The following RAD54B variants were observed in gnomAD, a reference collection of about 807,000 sequenced individuals.
RAD54B encodes the protein DNA repair and recombination protein RAD54B.
In RAD54B, 78 loss-of-function variants were observed where a neutral mutation model predicts 95.8. The ratio of observed to expected loss-of-function variants is 0.81; its 90% CI spans 0.68 to 0.98. RAD54B has a LOEUF of 0.98. Among genes scored for constraint, RAD54B ranks in the 50% least tolerant of loss-of-function variants. The pLI, the probability that RAD54B is intolerant of heterozygous loss-of-function variation, is 0.00. For missense variants in RAD54B, 957 were observed against 1,056.6 expected (o/e 0.91, Z 1.31); for synonymous variants, 328 against 354.9 (o/e 0.92, Z 0.85).
intron 3 of RAD54B, among the ~76,000 whole-genome samples, chr8:94,455,646 A>C (rs530457050): frequency 6.6e-6 from 1 of 152,324 alleles, no homozygotes; most frequent in Non-Finnish European, 1.5e-5. Flanking sequence ...AACAGAATTT[A>C]TTCTCCCACA....
Position 94,442,383 on chromosome 8 carries a change from T to C in RAD54B, c.304+15885A>G, listed in dbSNP as rs569861044. Among the ~76,000 whole-genome samples, 14 of 152,110 alleles carry C rather than the reference T, an allele frequency of 9.2e-5. No homozygotes were observed. In the South Asian group the frequency reaches 1.7e-3, roughly 18 times the overall value. ...GGTCAGGAATCAAGACCATCCTGGCTAACATGGTGAAACCCCGTCTCTACT... is the reference window on the plus strand; with the variant it reads ...GGTCAGGAATCAAGACCATCCTGGCCAACATGGTGAAACCCCGTCTCTACT... On this transcript the variant is annotated intron_variant, in intron 3 of 14. Transcript: ENST00000336148.
chr8:94,468,986 G>A (rs1234485473), intron 1 of RAD54B, among the ~76,000 whole-genome samples: 3 of 151,294 alleles, frequency 2.0e-5, no homozygotes, highest in Non-Finnish European at 2.9e-5. Flanking sequence ...AAACATATGA[G>A]AATAAGCCTG....
intron 6 of RAD54B, among the ~76,000 whole-genome samples, chr8:94,402,251 C>CT (rs145064709): frequency 0.25 from 36,191 of 143,852 alleles, 5,176 homozygotes; most frequent in East Asian, 0.44. Context: ...TGCTATTTTT[C>CT]TTTTTTTTTT....
intron 10 of RAD54B, among the ~76,000 whole-genome samples, chr8:94,390,517 A>C (rs114278137): frequency 0.013 from 1,913 of 149,294 alleles, 47 homozygotes; most frequent in African/African-American, 0.044. Context: ...TAAATAAATA[A>C]ACAAATAAAT....
rs1003310833 is a variant in RAD54B, at chr8:94,414,988, T to A, written c.305-3673A>T. ...TGCCATCCCCATCAAGCTACCAATG[T>A]CTTTCTTCACAGAATTGGAAAAAAC... On this transcript the variant is annotated intron_variant, in intron 3 of 14. Coordinates refer to ENST00000336148, the MANE Select transcript of RAD54B (RefSeq NM_012415.3). 1.3e-3 allele frequency among the ~76,000 whole-genome samples: 194 copies of A among 152,220 alleles called. 1 individual carries two copies. The highest frequency in any genetic ancestry group is 4.3e-3 in the African/African-American group (178 of 41,532).
rs1473413129 is a variant in RAD54B, at chr8:94,387,123, C to T, written c.1846G>A (p.Glu616Lys). 2.5e-6 allele frequency: 4 copies of T among 1,602,330 alleles called. No homozygotes were observed. Among genetic ancestry groups the T allele is most frequent in the Admixed American group, 1.7e-5 (1 of 57,792 alleles). ...AGCAAGCCTTTGTATAGACTCTTTTCTTCATTTTTATCACAAGTTGAGCTA... is the reference window on the plus strand; with the variant it reads ...AGCAAGCCTTTGTATAGACTCTTTTTTTCATTTTTATCACAAGTTGAGCTA... The part of the protein sequence containing the change: ...ECSSTCDKNE[E>K]KSLYKGLLSV... Residue 616 changes from glutamate (E) to lysine (K), a missense_variant, in exon 11 of 15, where the codon GAA becomes AAA. By Grantham distance (56) the Glu-to-Lys change is moderately conservative. Coordinates refer to ENST00000336148, the MANE Select transcript of RAD54B (RefSeq NM_012415.3).
At position 94,374,051 on chromosome 8, in the gene RAD54B, G is replaced by A. The variant is rs535419669; in HGVS notation, c.2516-1664C>T. On this transcript the variant is annotated intron_variant, in intron 14 of 14. Coordinates refer to ENST00000336148, the MANE Select transcript of RAD54B (RefSeq NM_012415.3). ...TCCCAGCACTTCGGGAGGCCAAGGC[G>A]GGCAGATCACGAGGTCAGGTGATCG... 4.6e-5 allele frequency among the ~76,000 whole-genome samples: 7 copies of A among 152,178 alleles called. No homozygotes were observed. The South Asian group carries it at 6.2e-4, about 14-fold the overall frequency.
intron 3 of RAD54B, among the ~76,000 whole-genome samples, chr8:94,437,841 AC>A (rs774874492): frequency 2.0e-5 from 3 of 152,210 alleles, no homozygotes; most frequent in Non-Finnish European, 2.9e-5. Context: ...TTTCAAGGCC[AC>A]CAGTTTCGGT....
intron 9 of RAD54B, among the ~76,000 whole-genome samples, chr8:94,392,631 C>T (rs550166873): frequency 1.9e-4 from 28 of 151,310 alleles, no homozygotes; most frequent in Non-Finnish European, 3.8e-4. Context: ...GAGTCTCACT[C>T]TGTCGCCCAG....
chr8:94,451,102 G>A (rs1304663917), intron 3 of RAD54B, among the ~76,000 whole-genome samples: 1 of 152,134 alleles, frequency 6.6e-6, no homozygotes, highest in Non-Finnish European at 1.5e-5. Context: ...CAGTATCAAT[G>A]AGTACACCTA....
At position 94,372,198 on chromosome 8, in the gene RAD54B, T is replaced by G. The variant is rs778898078; in HGVS notation, c.2705A>C (p.Asn902Thr). The G allele has an allele frequency of 6.2e-7, 1 of 1,611,016 alleles. No homozygotes were observed. The highest frequency in any genetic ancestry group is 8.5e-7 in the Non-Finnish European group (1 of 1,179,094). ...ITENVSFIFQ[N>T]ITTQATGT ...TGTGCCAGTAGCTTGAGTGGTTATA[T>G]TCTGAAAAATGAATGACACATTTTC... The change falls in exon 15 of 15, where the codon AAT becomes ACT. Residue 902 changes from asparagine to threonine, a missense_variant. Transcript: ENST00000336148.
chr8:94,377,546 A>G (rs1330088256), intron 14 of RAD54B, among the ~76,000 whole-genome samples: 547 of 2,088 alleles, frequency 0.26, 3 homozygotes, highest in Middle Eastern at 0.5. Context: ...CCTGTCTTGG[A>G]AAAAAAAAAA....
chr8:94,400,537 G>T, intron 6 of RAD54B, 74 bp from the exon 7 acceptor site: 1 of 1,231,072 alleles, frequency 8.1e-7, no homozygotes, highest in Non-Finnish European at 1.1e-6. Context: ...TCAAGAACCA[G>T]AAACTGATAT....
rs1283834883 is a variant in RAD54B at position 94,407,588 on chromosome 8, C to A, written c.632G>T (p.Gly211Val). 3 of 1,613,990 alleles carry A rather than the reference C, an allele frequency of 1.9e-6. No individual in the cohort carries two copies. Among genetic ancestry groups the A allele is most frequent in the South Asian group, 1.1e-5 (1 of 91,084 alleles). ...ATGCGAGATAGCAGTACTTCCTCCTCCAAGCTGAAAACACCTGCCACTGCT... is the reference window on the plus strand; with the variant it reads ...ATGCGAGATAGCAGTACTTCCTCCTACAAGCTGAAAACACCTGCCACTGCT... The part of the protein sequence containing the change: ...DFSSGRCFQL[G>V]GGSTAISHSS... The change falls in exon 5 of 15, where the codon GGA (glycine) becomes GTA (valine). Residue 211 changes from glycine (G) to valine (V), a missense_variant. Coordinates refer to ENST00000336148, the MANE Select transcript of RAD54B (RefSeq NM_012415.3).
At chr8:94,468,341 T>C (rs1324135170) in intron 1 of RAD54B, among the ~76,000 whole-genome samples, 2 of 152,106 alleles carry the variant, frequency 1.3e-5, no homozygotes, top group Non-Finnish European at 2.9e-5. Flanking sequence ...CAAATCCCAA[T>C]GTCTGTGGAG....
At chr8:94,430,634 G>A in intron 3 of RAD54B, 2 of 619,378 alleles carry the variant, frequency 3.2e-6, no homozygotes, top group Non-Finnish European at 4.0e-6. Flanking sequence ...AAAACCATTG[G>A]TCTACTCCAA....
chr8:94,421,626 T>C (rs993938984), intron 3 of RAD54B, among the ~76,000 whole-genome samples: 2 of 152,204 alleles, frequency 1.3e-5, no homozygotes, highest in African/African-American at 4.8e-5. Flanking sequence ...CCTCCTTTGG[T>C]TTCCCCATGT....
intron 3 of RAD54B, among the ~76,000 whole-genome samples, chr8:94,444,199 A>G (rs1404697315): frequency 1.3e-5 from 2 of 152,154 alleles, no homozygotes; most frequent in Non-Finnish European, 2.9e-5. Context: ...TTCAATTGGC[A>G]AAAGTTAAAA....
At chr8:94,469,208 C>T (rs571207410) in intron 1 of RAD54B, among the ~76,000 whole-genome samples, 29 of 151,820 alleles carry the variant, frequency 1.9e-4, no homozygotes, top group African/African-American at 6.8e-4. Flanking sequence ...TTAAACTGAA[C>T]GGTGATACAG....
Sources: allele counts gnomAD v4.1 joint callset (sites outside exome capture counted in the v4.1 genomes callset), GRCh38; gene constraint gnomAD v4.1.1; transcripts MANE v1.5; gene names NCBI Gene and HGNC (gene_info 2026-07-23, HGNC 2026-07-21).